SERINC3: variants seen among roughly 807,000 people sequenced by gnomAD.
SERINC3 encodes the protein tumor differentially expressed protein 1.
A neutral mutation model predicts 52.1 loss-of-function variants in SERINC3; 22 were observed. That is an observed-to-expected ratio of 0.42 (90% CI 0.30 to 0.60). The LOEUF (loss-of-function observed/expected upper bound fraction) is 0.60. Ranked by LOEUF, SERINC3 falls within the 20% of genes least tolerant of loss-of-function variation. The pLI, the probability that SERINC3 is intolerant of heterozygous loss-of-function variation, is 0.16. For synonymous variants in SERINC3, 226 were observed against 212.7 expected (o/e 1.06, Z -0.54); for missense variants, 564 against 584.6 (o/e 0.96, Z 0.36).
rs1299168029 is a variant in SERINC3 at position 44,498,237 on chromosome 20, A to T, written c.*2059T>A. The T allele has an allele frequency of 1.3e-5, 2 of 152,238 alleles. No individual in the cohort carries two copies. The highest frequency in any genetic ancestry group is 2.9e-5 in the Non-Finnish European group (2 of 68,042). 9.4% of individuals were successfully genotyped at this position (152,238 alleles called of 1,614,324 possible). On this transcript the variant is annotated 3_prime_UTR_variant, in exon 10 of 10. Coordinates refer to ENST00000342374, the MANE Select transcript of SERINC3 (RefSeq NM_006811.4). ...AGCTGGTTAAACCAGAATCACTCAG[A>T]AATCTACCTCTCCTTCATATTATTC...
At chr20:44,507,048 T>C in intron 5 of SERINC3, 52 bp from the exon 6 acceptor site, 1 of 1,350,020 alleles carries the variant, frequency 7.4e-7, no homozygotes, top group Non-Finnish European at 9.8e-7. Context: ...AAACTAATAA[T>C]GAAGGCCAAT....
At chr20:44,505,680 C>A (rs1466716917) in intron 6 of SERINC3, among the ~76,000 whole-genome samples, 1 of 151,928 alleles carries the variant, frequency 6.6e-6, no homozygotes, top group Non-Finnish European at 1.5e-5. Context: ...CTCACTGCTA[C>A]CTCCGCCTCC....
chr20:44,514,080 G>C (rs944551659), intron 1 of SERINC3, 40 bp from the exon 2 acceptor site: 3 of 1,590,308 alleles, frequency 1.9e-6, no homozygotes, highest in Non-Finnish European at 2.6e-6. Context: ...ACCGCCTTCA[G>C]TATACTCCTT....
chr20:44,504,185 AG>A (rs1430940961), intron 7 of SERINC3, among the ~76,000 whole-genome samples, 190 bp from the exon 8 acceptor site: 1 of 152,156 alleles, frequency 6.6e-6, no homozygotes, highest in Non-Finnish European at 1.5e-5. Flanking sequence ...GGAAAAAAAA[AG>A]AAAACAACAA....
At chr20:44,509,281 G>A (rs1425207106) in intron 5 of SERINC3, among the ~76,000 whole-genome samples, 1 of 152,112 alleles carries the variant, frequency 6.6e-6, no homozygotes, top group Non-Finnish European at 1.5e-5. Context: ...TAAAGTAGGT[G>A]GGCAGCTGTC....
chr20:44,496,416 T>C (rs1383464946), downstream of SERINC3: 1 of 152,350 alleles, frequency 6.6e-6, no homozygotes, highest in East Asian at 1.9e-4. Context: ...GCAGCTTCCA[T>C]TAATAAGCAT....
At chr20:44,503,338 A>C (rs145530941) in intron 8 of SERINC3, among the ~76,000 whole-genome samples, 2 of 152,216 alleles carry the variant, frequency 1.3e-5, no homozygotes, top group Non-Finnish European at 2.9e-5. Flanking sequence ...TGGAGGACTC[A>C]TACTTCCTAA....
Position 44,512,858 on chromosome 20 carries a change from GA to G in SERINC3, c.337del (p.Ser113LeufsTer7). 4 of 1,578,460 alleles carry G rather than the reference GA, an allele frequency of 2.5e-6. No homozygotes were observed. The highest frequency in any genetic ancestry group is 2.6e-6 in the Non-Finnish European group (3 of 1,168,372). Reference sequence around the variant, plus strand: ...TGTTTTTACTTTGAACATGAGCAGAGAAAAGACAAAGAAAAAGATGGCCATG... The same window carrying G: ...TGTTTTTACTTTGAACATGAGCAGAGAAAGACAAAGAAAAAGATGGCCATG... ...FAMAIFFFVF[S>X]LLMFKVKTSK... On this transcript the variant is annotated frameshift_variant, in exon 3 of 10. Coordinates refer to ENST00000342374, the MANE Select transcript of SERINC3 (RefSeq NM_006811.4). LOFTEE classifies it high-confidence loss of function.
At chr20:44,496,925 C>G (rs1568781645), downstream of SERINC3, among the ~76,000 whole-genome samples, 1 of 152,220 alleles carries the variant, frequency 6.6e-6, no homozygotes, top group Non-Finnish European at 1.5e-5. Context: ...CAGGCAGTTT[C>G]TTTGATTACC....
chr20:44,509,252 C>G (rs2064333005), intron 5 of SERINC3, among the ~76,000 whole-genome samples: 1 of 152,118 alleles, frequency 6.6e-6, no homozygotes, highest in African/African-American at 2.4e-5. Flanking sequence ...GCCATAAGGA[C>G]TACTCACTCC....
intron 1 of SERINC3, among the ~76,000 whole-genome samples, chr20:44,517,838 C>G (rs1446852024): frequency 1.3e-5 from 2 of 152,176 alleles, no homozygotes; most frequent in African/African-American, 4.8e-5. Flanking sequence ...AACGTTATAT[C>G]TTTTGTATCT....
intron 8 of SERINC3, 54 bp from the exon 9 acceptor site, chr20:44,501,354 G>C (rs568594020): frequency 7.1e-7 from 1 of 1,405,356 alleles, no homozygotes. Flanking sequence ...ACAATGAACT[G>C]CTGCCACTGG....
intron 1 of SERINC3, among the ~76,000 whole-genome samples, chr20:44,515,736 C>T (rs1346372792): frequency 6.6e-6 from 1 of 151,694 alleles, no homozygotes; most frequent in Non-Finnish European, 1.5e-5. Context: ...CGGCAACCTC[C>T]ACCTCCTGAG....
intron 2 of SERINC3, 98 bp from the exon 3 acceptor site, chr20:44,513,092 C>T: frequency 1.5e-6 from 1 of 686,780 alleles, no homozygotes; most frequent in African/African-American, 1.9e-5. Flanking sequence ...TTAACTACTT[C>T]AACAACTGCA....
intron 8 of SERINC3, 47 bp downstream of exon 8, chr20:44,503,765 TTTA>T (rs2064294124): frequency 7.1e-7 from 1 of 1,412,700 alleles, no homozygotes; most frequent in Non-Finnish European, 9.5e-7. Context: ...GCTTCTTCAC[TTTA>T]TTATCAACCT....
chr20:44,520,916 G>A (rs2064412514), intron 1 of SERINC3, among the ~76,000 whole-genome samples: 1 of 152,190 alleles, frequency 6.6e-6, no homozygotes, highest in Non-Finnish European at 1.5e-5. Flanking sequence ...ACAACCTGAG[G>A]CTTGCCATTG....
At chr20:44,506,281 C>CAAAA (rs58316790) in intron 6 of SERINC3, among the ~76,000 whole-genome samples, 4,265 of 65,664 alleles carry the variant, frequency 0.065, 96 homozygotes, top group African/African-American at 0.091. Context: ...GACTTTGTCT[C>CAAAA]AAAAAAAAAA....
At chr20:44,511,688 G>T (rs1420767320) in intron 3 of SERINC3, among the ~76,000 whole-genome samples, 2 of 152,146 alleles carry the variant, frequency 1.3e-5, no homozygotes, top group Non-Finnish European at 2.9e-5. Flanking sequence ...AACAGTGTTA[G>T]GTACACACAC....
chr20:44,510,465 T>C (rs2064340183), intron 4 of SERINC3, among the ~76,000 whole-genome samples: 2 of 152,166 alleles, frequency 1.3e-5, no homozygotes, highest in African/African-American at 2.4e-5. Flanking sequence ...TAACATATGG[T>C]TCCAGAAAAT....
Sources: gnomAD v4.1 joint callset for allele counts (sites outside exome capture counted in the v4.1 genomes callset) on GRCh38, gnomAD v4.1.1 for gene constraint, MANE v1.5 for transcripts, NCBI Gene and HGNC (gene_info 2026-07-23, HGNC 2026-07-21) for gene names.